The following RGS7 variants were observed in gnomAD, a reference collection of about 807,000 sequenced individuals.
The protein encoded by RGS7 is regulator of G protein signaling 7.
In RGS7, 27 loss-of-function variants were observed where a neutral mutation model predicts 81.1. The observed-to-expected ratio is 0.33, with a 90% CI of 0.25 to 0.46. The LOEUF is 0.46. Ranked by LOEUF, RGS7 falls within the 20% of genes least tolerant of loss-of-function variation. RGS7 has a pLI of 1.00. For missense variants in RGS7, 396 were observed against 607.4 expected, an observed-to-expected ratio of 0.65 and a Z score of 3.66; for synonymous variants, 208 against 207.7, an observed-to-expected ratio of 1.00 and a Z score of -0.01.
At chr1:240,911,288 A>G (rs868699040) in intron 6 of RGS7, among the ~76,000 whole-genome samples, 1 of 151,994 alleles carries the variant, frequency 6.6e-6, no homozygotes, top group African/African-American at 2.4e-5. Flanking sequence ...TTCATTGCCA[A>G]ATATTTGGGA....
At chr1:241,306,148 A>T (rs1295500427) in intron 2 of RGS7, among the ~76,000 whole-genome samples, 5 of 142,878 alleles carry the variant, frequency 3.5e-5, no homozygotes, top group Non-Finnish European at 4.6e-5. Context: ...ACACACACAC[A>T]CTCACACACG....
At chr1:241,269,778 G>T (rs887682640) in intron 2 of RGS7, among the ~76,000 whole-genome samples, 2 of 152,118 alleles carry the variant, frequency 1.3e-5, no homozygotes, top group African/African-American at 4.8e-5. Context: ...CGATGTATTG[G>T]TTTTCCACAA....
chr1:240,834,054 T>C (rs1694284713), intron 9 of RGS7, among the ~76,000 whole-genome samples: 1 of 152,238 alleles, frequency 6.6e-6, no homozygotes, highest in Admixed American at 6.5e-5. Flanking sequence ...CCTAAAGCTC[T>C]GGTATTACAG....
At chr1:241,266,086 G>T (rs562778967) in intron 2 of RGS7, among the ~76,000 whole-genome samples, 3 of 152,038 alleles carry the variant, frequency 2.0e-5, no homozygotes, top group African/African-American at 7.2e-5. Context: ...AAGCCACCGC[G>T]CCTGGCCTCC....
intron 4 of RGS7, 82 bp from the exon 5 acceptor site, chr1:240,936,788 T>C (rs1676709835): frequency 1.9e-6 from 2 of 1,044,372 alleles, no homozygotes; most frequent in Non-Finnish European, 3.0e-6. Context: ...TTTGTGTGGT[T>C]CCTTTTGTCA....
At chr1:240,787,530 G>A (rs910262662) in intron 18 of RGS7, among the ~76,000 whole-genome samples, 11 of 152,126 alleles carry the variant, frequency 7.2e-5, no homozygotes, top group African/African-American at 2.7e-4. Context: ...TGTGCTATTA[G>A]GGCAGTGGAA....
At chr1:241,023,997 C>T (rs1441548434) in intron 3 of RGS7, among the ~76,000 whole-genome samples, 1 of 152,214 alleles carries the variant, frequency 6.6e-6, no homozygotes, top group African/African-American at 2.4e-5. Flanking sequence ...GACCTCCTGC[C>T]TGCCTTGGCC....
chr1:240,943,179 A>G (rs564685133), intron 4 of RGS7, among the ~76,000 whole-genome samples: 4 of 152,324 alleles, frequency 2.6e-5, no homozygotes, highest in Admixed American at 2.6e-4. Flanking sequence ...GAGGAATGCA[A>G]TAAGAAATTA....
At chr1:240,917,737 T>A (rs1002159792) in intron 6 of RGS7, among the ~76,000 whole-genome samples, 3 of 152,150 alleles carry the variant, frequency 2.0e-5, no homozygotes, top group African/African-American at 7.2e-5. Context: ...TAAACATTAA[T>A]GTAACAGTTA....
At chr1:241,258,676 A>C (rs10926444) in intron 2 of RGS7, among the ~76,000 whole-genome samples, 1 of 152,108 alleles carries the variant, frequency 6.6e-6, no homozygotes, top group Non-Finnish European at 1.5e-5. Context: ...CAAGGAACAG[A>C]CACCCTTGCA....
At chr1:241,167,889 C>T (rs897856327) in intron 2 of RGS7, among the ~76,000 whole-genome samples, 1 of 152,102 alleles carries the variant, frequency 6.6e-6, no homozygotes, top group Non-Finnish European at 1.5e-5. Context: ...GGACAAAGAG[C>T]CAGGTCTGTA....
chr1:240,868,112 G>GA lies in RGS7; in HGVS notation c.609+474dup, dbSNP rs1558382305. On this transcript the variant is annotated intron_variant, in intron 9 of 18. Coordinates refer to ENST00000440928, the MANE Select transcript of RGS7 (RefSeq NM_001364886.1). The surrounding 1 kb of genome is among the most constrained non-coding windows in gnomAD (Gnocchi z 5.1). ...AGAAAGAAAAGAAAAAGAAAGAAAAGAAAAGGAAAGAAAGAAAGAAAGAAA... is the reference window on the plus strand; with the variant it reads ...AGAAAGAAAAGAAAAAGAAAGAAAAGAAAAAGGAAAGAAAGAAAGAAAGAAA... Among the ~76,000 whole-genome samples the GA allele has an allele frequency of 2.0e-5, 2 of 97,816 alleles. No homozygotes were observed. The highest frequency in any genetic ancestry group is 7.2e-4 in the East Asian group (2 of 2,788). 64.2% of individuals were successfully genotyped at this position (97,816 alleles called of 152,430 possible). A position where few individuals can be genotyped will look rare whatever the true frequency, so the allele number is the denominator to read the frequency against.
At chr1:241,218,065 A>G (rs544752361) in intron 2 of RGS7, among the ~76,000 whole-genome samples, 2 of 152,216 alleles carry the variant, frequency 1.3e-5, no homozygotes, top group South Asian at 4.1e-4. Flanking sequence ...GTGCATGTGG[A>G]TATGTGTGTG....
At chr1:241,240,088 C>T (rs538001093) in intron 2 of RGS7, among the ~76,000 whole-genome samples, 1 of 152,278 alleles carries the variant, frequency 6.6e-6, no homozygotes, top group South Asian at 2.1e-4. Context: ...CTCATCATGT[C>T]ACAGAGGATA....
chr1:241,296,521 G>C (rs577492898), intron 2 of RGS7, among the ~76,000 whole-genome samples: 4 of 152,190 alleles, frequency 2.6e-5, no homozygotes, highest in Admixed American at 6.5e-5. Context: ...TTTCCTGTGG[G>C]AACTACCATT....
intron 2 of RGS7, among the ~76,000 whole-genome samples, chr1:241,290,321 C>T (rs2079024139): frequency 6.6e-6 from 1 of 152,202 alleles, no homozygotes; most frequent in East Asian, 1.9e-4. Context: ...ATATTTCCTT[C>T]AGACATAGTC....
At chr1:241,128,058 C>G (rs2066796286) in intron 2 of RGS7, among the ~76,000 whole-genome samples, 1 of 151,784 alleles carries the variant, frequency 6.6e-6, no homozygotes, top group Non-Finnish European at 1.5e-5. Flanking sequence ...GTGGGTGGAT[C>G]ACGAGGTCAG....
intron 6 of RGS7, 22 bp downstream of exon 6, chr1:240,930,695 A>G (rs865862784): frequency 6.2e-7 from 1 of 1,611,046 alleles, no homozygotes; most frequent in Admixed American, 1.7e-5. Context: ...TCAATAATAA[A>G]ATAATGAGAG....
intron 2 of RGS7, among the ~76,000 whole-genome samples, chr1:241,100,969 T>C (rs1231368098): frequency 1.3e-5 from 2 of 152,230 alleles, no homozygotes; most frequent in Admixed American, 1.3e-4. Flanking sequence ...GAAACTGGCC[T>C]GCAGGGCCCA....
Sources: allele counts gnomAD v4.1 joint callset (sites outside exome capture counted in the v4.1 genomes callset), GRCh38; gene constraint gnomAD v4.1.1; non-coding constraint Gnocchi (gnomAD v3.1); transcripts MANE v1.5; gene names NCBI Gene and HGNC (gene_info 2026-07-23, HGNC 2026-07-21).